The following PPFIBP2 variants were observed in gnomAD, a reference collection of about 807,000 sequenced individuals.
PPFIBP2 encodes liprin-beta-2.
PPFIBP2 carries 118 observed loss-of-function variants against 118.3 expected under a neutral mutation model. That is an observed-to-expected ratio of 1.00 (90% confidence interval 0.86 to 1.16). The LOEUF (loss-of-function observed/expected upper bound fraction) is 1.16, where lower values mean the gene tolerates loss of function less well. Ranked by LOEUF, PPFIBP2 falls within the 50% of genes most tolerant of loss-of-function variation. The pLI is 0.00. For missense variants in PPFIBP2, 1,195 were observed against 1,073.1 expected (o/e 1.11, Z -1.59); for synonymous variants, 414 against 397.4 (o/e 1.04, Z -0.50).
chr11:7,640,387 C>T lies in PPFIBP2; in HGVS notation c.1375+517C>T, dbSNP rs947568892. Among the ~76,000 whole-genome samples the T allele has an allele frequency of 2.0e-5, 3 of 152,316 alleles. No homozygotes were observed. The East Asian group carries it at 5.8e-4, about 29-fold the overall frequency. On this transcript the variant is annotated intron_variant, in intron 15 of 23. Coordinates refer to ENST00000299492, the MANE Select transcript of PPFIBP2 (RefSeq NM_003621.5). ...GTCAGTGGCCAATGGGCAAGGGTGT[C>T]GGTCTGCAGGTATCCTTTCGGTGCG...
At chr11:7,575,949 T>C (rs1299783769) in intron 3 of PPFIBP2, among the ~76,000 whole-genome samples, 1 of 152,116 alleles carries the variant, frequency 6.6e-6, no homozygotes, top group South Asian at 2.1e-4. Flanking sequence ...CTCCAGGAAT[T>C]TACTCCTCCC....
intron 23 of PPFIBP2, among the ~76,000 whole-genome samples, chr11:7,652,608 A>G (rs1487454207): frequency 6.6e-6 from 1 of 152,210 alleles, no homozygotes; most frequent in African/African-American, 2.4e-5. Flanking sequence ...ACCTGGGGCT[A>G]TCCTACGCGC....
intron 19 of PPFIBP2, 77 bp from the exon 20 acceptor site, chr11:7,649,070 T>C (rs931941904): frequency 6.9e-7 from 1 of 1,450,280 alleles, no homozygotes. Flanking sequence ...CAAAATATAA[T>C]TTGCTCCCCT....
At chr11:7,537,229 C>T (rs1485377450) in intron 1 of PPFIBP2, among the ~76,000 whole-genome samples, 2 of 152,224 alleles carry the variant, frequency 1.3e-5, no homozygotes, top group African/African-American at 4.8e-5. Context: ...TTCCCCTGCT[C>T]TCTGGCCACT....
chr11:7,572,243 T>C (rs890949975), intron 3 of PPFIBP2, among the ~76,000 whole-genome samples: 1 of 152,148 alleles, frequency 6.6e-6, no homozygotes, highest in African/African-American at 2.4e-5. Flanking sequence ...GCCCACAGTT[T>C]ATGTCACGCC....
chr11:7,648,444 G>A lies in PPFIBP2; in HGVS notation c.1704G>A (p.Glu568=), dbSNP rs1853452107. The change falls in exon 18 of 24, where the codon GAG becomes GAA. Residue 568 remains glutamate, a synonymous_variant. Transcript: ENST00000299492. ...WSTERVCAWL[E]DFGLAQYVIF... Reference sequence around the variant, plus strand: ...CAGAGCGTGTGTGTGCATGGCTGGAGGACTTTGGCCTGGCTCAGTATGTGA... The same window carrying A: ...CAGAGCGTGTGTGTGCATGGCTGGAAGACTTTGGCCTGGCTCAGTATGTGA... 1.2e-6 allele frequency: 2 copies of A among 1,614,130 alleles called. No homozygotes were observed. The highest frequency in any genetic ancestry group is 1.7e-6 in the Non-Finnish European group (2 of 1,180,024).
chr11:7,642,546 T>C, intron 17 of PPFIBP2, 120 bp downstream of exon 17: 1 of 1,163,842 alleles, frequency 8.6e-7, no homozygotes, highest in East Asian at 2.6e-5. Flanking sequence ...CATATTCTCT[T>C]CCCCAGTCAA....
At chr11:7,651,600 C>A in intron 22 of PPFIBP2, 56 bp from the exon 23 acceptor site, 1 of 1,503,758 alleles carries the variant, frequency 6.7e-7, no homozygotes, top group South Asian at 1.3e-5. Flanking sequence ...CAGCATCCTC[C>A]CCCTCGAGCC....
At chr11:7,532,372 G>C (rs1447257835) in intron 1 of PPFIBP2, among the ~76,000 whole-genome samples, 1 of 152,060 alleles carries the variant, frequency 6.6e-6, no homozygotes, top group African/African-American at 2.4e-5. Context: ...TGAGGGTGTG[G>C]GTACAATTCA....
rs562494864 is a variant in PPFIBP2 at position 7,621,416 on chromosome 11, C to CA, written c.711+396dup. ...GTAGTCCCTTCTAGAATCAGTTTTT[C>CA]AAAAAAATAGGCATGCTTTATATTT... On this transcript the variant is annotated intron_variant, in intron 7 of 23. Coordinates refer to ENST00000299492, the MANE Select transcript of PPFIBP2 (RefSeq NM_003621.5). Among the ~76,000 whole-genome samples, 73 of 151,860 alleles carry CA rather than the reference C, an allele frequency of 4.8e-4. 2 individuals are homozygous for CA. In the East Asian group the frequency reaches 0.011, roughly 23 times the overall value.
intron 3 of PPFIBP2, among the ~76,000 whole-genome samples, chr11:7,569,727 C>T (rs1299920465): frequency 6.6e-6 from 1 of 152,154 alleles, no homozygotes; most frequent in Non-Finnish European, 1.5e-5. Context: ...TCCTTTACAA[C>T]TGGAAGACAC....
chr11:7,621,369 T>C (rs1849335454), intron 7 of PPFIBP2, among the ~76,000 whole-genome samples: 1 of 152,216 alleles, frequency 6.6e-6, no homozygotes, highest in South Asian at 2.1e-4. Flanking sequence ...AAGCAGATCT[T>C]GGATGCATCA....
chr11:7,587,264 A>C (rs1262206923), intron 3 of PPFIBP2, among the ~76,000 whole-genome samples: 1 of 152,208 alleles, frequency 6.6e-6, no homozygotes, highest in Non-Finnish European at 1.5e-5. Flanking sequence ...GTAGATCTCA[A>C]TTAGCCCCTG....
intron 1 of PPFIBP2, among the ~76,000 whole-genome samples, chr11:7,520,205 A>G (rs1490298604): frequency 6.6e-6 from 1 of 152,202 alleles, no homozygotes; most frequent in East Asian, 1.9e-4. Flanking sequence ...CCAAATGAGG[A>G]CAGGGCAGGG....
At chr11:7,532,961 T>G (rs550983119) in intron 1 of PPFIBP2, among the ~76,000 whole-genome samples, 1 of 152,058 alleles carries the variant, frequency 6.6e-6, no homozygotes, top group East Asian at 1.9e-4. Context: ...GGGAGGCTCG[T>G]AGGAGGGAGT....
chr11:7,531,936 A>G (rs1172206119), intron 1 of PPFIBP2, among the ~76,000 whole-genome samples: 1 of 152,112 alleles, frequency 6.6e-6, no homozygotes, highest in East Asian at 1.9e-4. Context: ...CCTGGGTTCA[A>G]GTGAATCTCC....
chr11:7,573,081 TGAG>T (rs773044736), intron 3 of PPFIBP2, among the ~76,000 whole-genome samples: 3 of 152,200 alleles, frequency 2.0e-5, no homozygotes, highest in Admixed American at 6.5e-5. Flanking sequence ...TACCTGGCCT[TGAG>T]GAACTTTTGA....
chr11:7,599,477 C>G (rs1259042185), intron 5 of PPFIBP2, among the ~76,000 whole-genome samples: 2 of 152,294 alleles, frequency 1.3e-5, no homozygotes, highest in East Asian at 1.9e-4. Context: ...ACATAGCTCT[C>G]TATGACAGTG....
intron 6 of PPFIBP2, among the ~76,000 whole-genome samples, chr11:7,612,357 T>A (rs1049543116): frequency 2.5e-4 from 38 of 152,138 alleles, no homozygotes; most frequent in African/African-American, 9.2e-4. Flanking sequence ...TGGGCCACTT[T>A]GGGTCATATA....
Sources: gnomAD v4.1 joint callset for allele counts (sites outside exome capture counted in the v4.1 genomes callset) on GRCh38, gnomAD v4.1.1 for gene constraint, MANE v1.5 for transcripts, NCBI Gene and HGNC (gene_info 2026-07-23, HGNC 2026-07-21) for gene names.